NOX3: variants seen among roughly 807,000 people sequenced by gnomAD.
The protein encoded by NOX3 is NADPH oxidase 3, also known as NADPH oxidase catalytic subunit-like 3.
In NOX3, 74 loss-of-function variants were observed where a neutral mutation model predicts 76.7. That is an observed-to-expected ratio of 0.96 (90% confidence interval 0.80 to 1.17). The LOEUF (loss-of-function observed/expected upper bound fraction) is 1.17. NOX3 is among the 50% of genes most tolerant of loss of function. The pLI is 0.00. For synonymous variants in NOX3, 263 were observed against 261.1 expected (o/e 1.01, Z -0.07); for missense variants, 695 against 703.3 (o/e 0.99, Z 0.13).
intron 5 of NOX3, 73 bp from the exon 6 acceptor site, chr6:155,440,210 T>A (rs1776965131): frequency 8.3e-6 from 5 of 601,934 alleles, no homozygotes; most frequent in Non-Finnish European, 9.2e-6. Context: ...TCCTGGCATA[T>A]TTTTTTTTTT....
At chr6:155,396,990 A>G in intron 12 of NOX3, 28 bp from the exon 13 acceptor site, 3 of 1,588,004 alleles carry the variant, frequency 1.9e-6, no homozygotes, top group Non-Finnish European at 2.6e-6. Flanking sequence ...AAAGGAAATA[A>G]AATGTCACCA....
At chr6:155,426,389 A>G (rs534369586) in intron 9 of NOX3, among the ~76,000 whole-genome samples, 8 of 152,304 alleles carry the variant, frequency 5.3e-5, no homozygotes, top group Non-Finnish European at 7.3e-5. Context: ...ACAGTAAACA[A>G]TCAAGCAAAT....
At chr6:155,445,918 TATATA>T (rs1777055009) in intron 4 of NOX3, among the ~76,000 whole-genome samples, 2 of 142,920 alleles carry the variant, frequency 1.4e-5, no homozygotes, top group South Asian at 4.2e-4. Context: ...ATGCTATAGA[TATATA>T]ATATATATGC....
At chr6:155,411,866 G>T (rs542087488) in intron 10 of NOX3, among the ~76,000 whole-genome samples, 2 of 152,152 alleles carry the variant, frequency 1.3e-5, no homozygotes, top group African/African-American at 2.4e-5. Context: ...AGTCACACAG[G>T]CCAGAAATTT....
chr6:155,440,978 C>T (rs936516696), intron 5 of NOX3, among the ~76,000 whole-genome samples: 11 of 152,134 alleles, frequency 7.2e-5, no homozygotes, highest in South Asian at 4.1e-4. Context: ...ACGCCATCTC[C>T]GGGGGCCTGG....
At chr6:155,455,206 C>A in intron 1 of NOX3, 77 bp from the exon 2 acceptor site, 1 of 870,752 alleles carries the variant, frequency 1.1e-6, no homozygotes, top group South Asian at 1.6e-5. Context: ...TGGGGTTCTT[C>A]TTTTAAAGTG....
chr6:155,445,969 AATATATATAT>A (rs1777058534), intron 4 of NOX3, among the ~76,000 whole-genome samples: 1 of 96,664 alleles, frequency 1.0e-5, no homozygotes. Context: ...ATATATATAT[AATATATATAT>A]GCTATATATA....
rs1554264831 is a variant in NOX3 at position 155,445,996 on chromosome 6, T to TATAA, written c.341-2579_341-2578insTTAT. On this transcript the variant is annotated intron_variant, in intron 4 of 13. Transcript: ENST00000159060. ...TATATATATGCTATATATATATATA[T>TATAA]AATATATATATATTGCACATTTTTC... 1.7e-3 allele frequency among the ~76,000 whole-genome samples: 226 copies of TATAA among 134,366 alleles called. 1 individual carries two copies. Among genetic ancestry groups the TATAA allele is most frequent in the East Asian group, 2.0e-3 (10 of 4,880 alleles). The allele number at this position is 134,366 out of a possible 152,430, so 88.1% of individuals were successfully genotyped here. A position where few individuals can be genotyped will look rare whatever the true frequency, so the allele number is the denominator to read the frequency against.
chr6:155,405,889 C>T (rs533946628), intron 12 of NOX3, among the ~76,000 whole-genome samples: 1 of 152,218 alleles, frequency 6.6e-6, no homozygotes, highest in South Asian at 2.1e-4. Flanking sequence ...ACTGCTCAAA[C>T]CTGTAAGTGC....
At position 155,454,830 on chromosome 6, in the gene NOX3, A is replaced by G. The variant is rs1456508829; in HGVS notation, c.236T>C (p.Phe79Ser). The part of the protein sequence containing the change: ...LIPVSRNLIS[F>S]IRGTSICCRG... ...ACTTACAATACTTGTTCCTCTTATG[A>G]ATGAAATAAGGTTTCGACTGACAGG... The change falls in exon 3 of 14, where the codon TTC (phenylalanine) becomes TCC (serine). Residue 79 changes from phenylalanine to serine, a missense_variant. Coordinates refer to ENST00000159060, the MANE Select transcript of NOX3 (RefSeq NM_015718.3). 1 of 1,588,302 alleles carries G rather than the reference A, an allele frequency of 6.3e-7. No individual in the cohort carries two copies. Among genetic ancestry groups the G allele is most frequent in the Non-Finnish European group, 8.6e-7 (1 of 1,168,418 alleles).
At chr6:155,455,688 T>G in intron 1 of NOX3, 65 bp downstream of exon 1, 1 of 1,333,058 alleles carries the variant, frequency 7.5e-7, no homozygotes, top group Non-Finnish European at 1.1e-6. Context: ...CTATACAAGT[T>G]TTCCTAAAAA....
chr6:155,401,253 A>G (rs1779222053), intron 12 of NOX3, among the ~76,000 whole-genome samples: 1 of 152,328 alleles, frequency 6.6e-6, no homozygotes, highest in African/African-American at 2.4e-5. Flanking sequence ...GGGTCTAACC[A>G]GAGAGATTGA....
chr6:155,451,171 G>GTTTCACCATGTTGGTCAGGCT (rs1777134811), intron 4 of NOX3, among the ~76,000 whole-genome samples: 1 of 152,012 alleles, frequency 6.6e-6, no homozygotes, highest in Non-Finnish European at 1.5e-5. Context: ...TAGAGACAGG[G>GTTTCACCATGTTGGTCAGGCT]TTTCACCATG....
At chr6:155,423,927 G>C (rs1018654155) in intron 9 of NOX3, among the ~76,000 whole-genome samples, 1 of 151,906 alleles carries the variant, frequency 6.6e-6, no homozygotes, top group African/African-American at 2.4e-5. Context: ...ATTTTTCATA[G>C]AGACGAGGTT....
At chr6:155,418,922 G>A (rs928088689) in intron 10 of NOX3, among the ~76,000 whole-genome samples, 3 of 152,166 alleles carry the variant, frequency 2.0e-5, no homozygotes, top group African/African-American at 2.4e-5. Flanking sequence ...CCACCTAATC[G>A]CAGTTAACCA....
Position 155,409,169 on chromosome 6 carries a change from C to A in NOX3, c.1456-1915G>T, listed in dbSNP as rs1311250892. Among the ~76,000 whole-genome samples, 3 of 152,254 alleles carry A rather than the reference C, an allele frequency of 2.0e-5. No homozygotes were observed. In the East Asian group the frequency reaches 5.8e-4, roughly 29 times the overall value. ...AGTCTGACACCAGGTGGCAGAGCTACTGCTGGAAAAGAGTTGGGGTATAGG... is the reference window on the plus strand; with the variant it reads ...AGTCTGACACCAGGTGGCAGAGCTAATGCTGGAAAAGAGTTGGGGTATAGG... On this transcript the variant is annotated intron_variant, in intron 11 of 13. Transcript: ENST00000159060.
chr6:155,435,793 G>T (rs796331046), intron 7 of NOX3, among the ~76,000 whole-genome samples: 36 of 152,268 alleles, frequency 2.4e-4, no homozygotes, highest in African/African-American at 6.7e-4. Context: ...GCTACCAACT[G>T]TAATGGTTAC....
intron 4 of NOX3, among the ~76,000 whole-genome samples, chr6:155,448,530 T>C (rs1777093700): frequency 6.6e-6 from 1 of 150,880 alleles, no homozygotes; most frequent in African/African-American, 2.4e-5. Context: ...TTTTGTGTTC[T>C]CCCCAAAGTA....
At chr6:155,405,870 C>T (rs1215374172) in intron 12 of NOX3, among the ~76,000 whole-genome samples, 1 of 152,228 alleles carries the variant, frequency 6.6e-6, no homozygotes, top group African/African-American at 2.4e-5. Context: ...AGTGATCCCA[C>T]GTCACTCTAC....
Sources: gnomAD v4.1 joint callset for allele counts (sites outside exome capture counted in the v4.1 genomes callset) on GRCh38, gnomAD v4.1.1 for gene constraint, MANE v1.5 for transcripts, NCBI Gene and HGNC (gene_info 2026-07-23, HGNC 2026-07-21) for gene names.